The following PARK7 variants were observed in gnomAD, a reference collection of about 807,000 sequenced individuals.
The protein encoded by PARK7 is Parkinson disease protein 7.
PARK7 carries 14 observed loss-of-function variants against 20.5 expected under a neutral mutation model. The ratio of observed to expected loss-of-function variants is 0.68; its 90% CI spans 0.45 to 1.07. The LOEUF (loss-of-function observed/expected upper bound fraction) is 1.07, where lower values mean the gene tolerates loss of function less well. PARK7 is among the 50% of genes least tolerant of loss of function. The pLI is 0.00. For synonymous variants in PARK7, 98 were observed against 84.3 expected (o/e 1.16, Z -0.89); for missense variants, 234 against 238.1 (o/e 0.98, Z 0.11).
At chr1:7,966,029 A>G (rs903728387) in intron 3 of PARK7, among the ~76,000 whole-genome samples, 1 of 152,044 alleles carries the variant, frequency 6.6e-6, no homozygotes, top group Non-Finnish European at 1.5e-5. Flanking sequence ...TTTTTTCAGT[A>G]TCGTTGGAAT....
chr1:7,979,462 G>A (rs990175008), intron 6 of PARK7, among the ~76,000 whole-genome samples: 1 of 152,084 alleles, frequency 6.6e-6, no homozygotes, highest in Non-Finnish European at 1.5e-5. Context: ...AGTTACATTT[G>A]ATCCAGAGCA....
intron 1 of PARK7, 92 bp downstream of exon 1, chr1:7,961,885 C>T (rs1640210232): frequency 6.6e-6 from 1 of 151,312 alleles, no homozygotes; most frequent in Non-Finnish European, 1.5e-5. Flanking sequence ...GACGGTGTCC[C>T]GCTGGCTCAG....
intron 5 of PARK7, among the ~76,000 whole-genome samples, chr1:7,975,751 A>C (rs1432728147): frequency 6.6e-6 from 1 of 152,218 alleles, no homozygotes; most frequent in Non-Finnish European, 1.5e-5. Flanking sequence ...TTCACCGATC[A>C]CTTTCCTCAC....
At position 7,985,022 on chromosome 1, in the gene PARK7, C is replaced by G. The variant is rs762700748; in HGVS notation, c.538C>G (p.Gln180Glu). 8.7e-6 allele frequency: 14 copies of G among 1,614,014 alleles called. No homozygotes were observed. In the South Asian group the frequency reaches 1.3e-4, roughly 15 times the overall value. ...CCTGAATGGCAAGGAGGTGGCGGCT[C>G]AAGTGAAGGCTCCACTTGTTCTTAA... ...EALNGKEVAA[Q>E]VKAPLVLKD Residue 180 changes from glutamine to glutamate, a missense_variant, in exon 7 of 7, where the codon CAA becomes GAA. By Grantham distance (29) the Gln-to-Glu change is conservative. Coordinates refer to ENST00000338639, the MANE Select transcript of PARK7 (RefSeq NM_007262.5).
intron 2 of PARK7, among the ~76,000 whole-genome samples, chr1:7,963,584 A>G (rs1466273789): frequency 6.6e-6 from 1 of 151,740 alleles, no homozygotes; most frequent in African/African-American, 2.4e-5. Flanking sequence ...CATGTTGGCC[A>G]GGTTGGTCTC....
chr1:7,971,317 T>C, intron 5 of PARK7: 1 of 371,474 alleles, frequency 2.7e-6, no homozygotes, highest in East Asian at 6.6e-5. Context: ...CCATCAAACA[T>C]CAACACAGCA....
At chr1:7,968,036 A>C (rs980476739) in intron 3 of PARK7, among the ~76,000 whole-genome samples, 1 of 152,148 alleles carries the variant, frequency 6.6e-6, no homozygotes, top group Non-Finnish European at 1.5e-5. Flanking sequence ...TTGGCCGGCC[A>C]CAGTGGTTCA....
Position 7,984,925 on chromosome 1 carries a change from A to G in PARK7, c.441A>G (p.Glu147=). ...ACACCTACTCTGAGAATCGTGTGGAAAAAGACGGCCTGATTCTTACAAGCC... is the reference window on the plus strand; with the variant it reads ...ACACCTACTCTGAGAATCGTGTGGAGAAAGACGGCCTGATTCTTACAAGCC... The part of the protein sequence containing the change: ...GHYTYSENRV[E]KDGLILTSRG... The change falls in exon 7 of 7, where the codon GAA becomes GAG. Residue 147 remains glutamate (E), a synonymous_variant. Coordinates refer to ENST00000338639, the MANE Select transcript of PARK7 (RefSeq NM_007262.5). The surrounding 1 kb of genome is among the most constrained non-coding windows in gnomAD (Gnocchi z 4.3). 1 of 1,614,208 alleles carries G rather than the reference A, an allele frequency of 6.2e-7. No individual in the cohort carries two copies. Among genetic ancestry groups the G allele is most frequent in the Non-Finnish European group, 8.5e-7 (1 of 1,180,040 alleles).
intron 6 of PARK7, among the ~76,000 whole-genome samples, chr1:7,979,626 G>A (rs967450706): frequency 2.6e-5 from 4 of 151,638 alleles, no homozygotes; most frequent in Non-Finnish European, 5.9e-5. Context: ...TCAGCCTCCC[G>A]AGTAGCTGGA....
chr1:7,975,096 C>T (rs1640550614), intron 5 of PARK7, among the ~76,000 whole-genome samples: 1 of 151,980 alleles, frequency 6.6e-6, no homozygotes, highest in South Asian at 2.1e-4. Context: ...TCTCGTGATC[C>T]GCCCACCTTG....
intron 5 of PARK7, chr1:7,971,775 A>G (rs1309096942): frequency 6.6e-6 from 1 of 152,178 alleles, no homozygotes; most frequent in East Asian, 1.9e-4. Context: ...TCTACTAAAA[A>G]TACAGAAATT....
At chr1:7,973,863 G>A (rs572148777) in intron 5 of PARK7, among the ~76,000 whole-genome samples, 29 of 150,870 alleles carry the variant, frequency 1.9e-4, no homozygotes, top group Admixed American at 1.6e-3. Flanking sequence ...AGCCGAGATC[G>A]TGCCACTGCA....
chr1:7,980,227 G>T (rs1271074055), intron 6 of PARK7, among the ~76,000 whole-genome samples: 1 of 151,974 alleles, frequency 6.6e-6, no homozygotes, highest in Non-Finnish European at 1.5e-5. Flanking sequence ...TTAAATGTAG[G>T]AATTTAATTT....
chr1:7,977,543 C>T (rs1640610382), intron 5 of PARK7, 109 bp from the exon 6 acceptor site: 3 of 955,708 alleles, frequency 3.1e-6, no homozygotes, highest in South Asian at 1.4e-5. Context: ...CCTAGGCCTC[C>T]CCAATTGCTG....
Position 7,977,712 on chromosome 1 carries a change from T to C in PARK7, c.383T>C (p.Leu128Pro), listed in dbSNP as rs772145589. ...GGAAGTAAAGTTACAACACACCCTC[T>C]TGCTAAAGACAAAATGATGAATGGA... ...GFGSKVTTHP[L>P]AKDKMMNGGH... is the part of the protein sequence containing the mutation. Residue 128 changes from leucine (L) to proline (P), a missense_variant, in exon 6 of 7, where the codon CTT becomes CCT. Leu to Pro is a moderately conservative substitution (Grantham distance 98). Transcript: ENST00000338639. The C allele has an allele frequency of 6.2e-7, 1 of 1,614,052 alleles. No homozygotes were observed. The highest frequency in any genetic ancestry group is 8.5e-7 in the Non-Finnish European group (1 of 1,180,000).
chr1:7,962,220 C>G (rs905621434), intron 1 of PARK7: 2 of 153,610 alleles, frequency 1.3e-5, no homozygotes, highest in East Asian at 1.9e-4. Context: ...CCATCTTTCT[C>G]AGTCATTAAA....
chr1:7,979,700 C>A (rs912567385), intron 6 of PARK7, among the ~76,000 whole-genome samples: 80 of 152,130 alleles, frequency 5.3e-4, no homozygotes, highest in African/African-American at 1.9e-3. Flanking sequence ...CAGGGTCTAA[C>A]CATATTGCAC....
Position 7,984,346 on chromosome 1 carries a change from C to T in PARK7, c.410-548C>T, listed in dbSNP as rs1293220515. ...TTATATTTGCCAAGAAATAGCCAAC[C>T]GGCGGGCCTGGAGGTGCGGGGATGC... On this transcript the variant is annotated intron_variant, in intron 6 of 6. Transcript: ENST00000338639. The surrounding 1 kb of genome is among the most constrained non-coding windows in gnomAD (Gnocchi z 4.3). Among the ~76,000 whole-genome samples the T allele has an allele frequency of 2.6e-5, 4 of 152,142 alleles. No individual in the cohort carries two copies. Among genetic ancestry groups the T allele is most frequent in the Admixed American group, 6.5e-5 (1 of 15,280 alleles).
chr1:7,982,154 T>TA (rs1290983760), intron 6 of PARK7, among the ~76,000 whole-genome samples: 7 of 150,572 alleles, frequency 4.6e-5, no homozygotes, highest in African/African-American at 1.7e-4. Context: ...TTTGTATTTT[T>TA]TTTTTTTTTT....
Sources: gnomAD v4.1 joint callset for allele counts (sites outside exome capture counted in the v4.1 genomes callset) on GRCh38, gnomAD v4.1.1 for gene constraint, Gnocchi (gnomAD v3.1) non-coding constraint, MANE v1.5 for transcripts, NCBI Gene and HGNC (gene_info 2026-07-23, HGNC 2026-07-21) for gene names.